The following RESF1 variants were observed in gnomAD, a reference collection of about 807,000 sequenced individuals.
RESF1 encodes the protein retroelement silencing factor 1, also known as gonad expressed transcript.
Under a neutral mutation model 134.7 loss-of-function variants are expected in RESF1, and 65 were observed. That is an observed-to-expected ratio of 0.48 (90% CI 0.40 to 0.59). The LOEUF is 0.59. Ranked by LOEUF, RESF1 falls within the 20% of genes least tolerant of loss-of-function variation. The probability of loss-of-function intolerance (pLI) is 0.00; values close to 1 mark genes in which losing one functional copy is unlikely to be tolerated. For synonymous variants in RESF1, 762 were observed against 702.2 expected (o/e 1.09, Z -1.35); for missense variants, 2,274 against 2,002.7 (o/e 1.14, Z -2.59).
intron 1 of RESF1, among the ~76,000 whole-genome samples, chr12:31,960,087 C>G (rs1939225531): frequency 6.6e-6 from 1 of 152,078 alleles, no homozygotes; most frequent in African/African-American, 2.4e-5. Context: ...GCTTCTGCGC[C>G]GGCGATGGTT....
chr12:31,985,789 A>C lies in RESF1; in HGVS notation c.4834A>C (p.Arg1612=). ...SSPRKLHKDK[R]QENKHKTFLP... is the part of the protein sequence containing the mutation. ...ACCCAGGAAGCTTCATAAAGATAAGAGACAGGAAAATAAACATAAGACCTT... is the reference window on the plus strand; with the variant it reads ...ACCCAGGAAGCTTCATAAAGATAAGCGACAGGAAAATAAACATAAGACCTT... Residue 1612 remains arginine (R), a synonymous_variant, in exon 4 of 6, where the codon AGA becomes CGA. Coordinates refer to ENST00000312561, the MANE Select transcript of RESF1 (RefSeq NM_018169.4). 6.4e-7 allele frequency: 1 copy of C among 1,568,780 alleles called. No homozygotes were observed. The highest frequency in any genetic ancestry group is 8.6e-7 in the Non-Finnish European group (1 of 1,165,426).
chr12:31,980,520 C>CTT (rs766848248), intron 3 of RESF1, among the ~76,000 whole-genome samples: 1 of 151,236 alleles, frequency 6.6e-6, no homozygotes, highest in African/African-American at 2.4e-5. Flanking sequence ...TTGAACTTCC[C>CTT]TTTTTTTTTA....
At chr12:31,990,362 C>G (rs774966164) in intron 5 of RESF1, among the ~76,000 whole-genome samples, 1 of 152,302 alleles carries the variant, frequency 6.6e-6, no homozygotes, top group Admixed American at 6.5e-5. Flanking sequence ...CATGGCACAA[C>G]AAGACGCAAA....
At chr12:31,987,382 G>A in intron 5 of RESF1, 60 bp downstream of exon 5, 1 of 951,628 alleles carries the variant, frequency 1.1e-6, no homozygotes, top group Non-Finnish European at 1.7e-6. Context: ...ATGGAAATTG[G>A]ATTATGGTTA....
At chr12:31,965,841 A>G (rs1042297581) in intron 2 of RESF1, among the ~76,000 whole-genome samples, 7 of 151,196 alleles carry the variant, frequency 4.6e-5, no homozygotes, top group African/African-American at 1.7e-4. Flanking sequence ...CAGTGAGCCA[A>G]GATCACGCCA....
At position 31,981,125 on chromosome 12, in the gene RESF1, A is replaced by G. The variant is rs766577092; in HGVS notation, c.170A>G (p.Asn57Ser). The part of the protein sequence containing the change: ...QEACMYPGNS[N>S]PISQPLLNIQ... ...GCATGCATGTATCCCGGTAATTCAA[A>G]TCCAATTTCACAGCCACTGCTGAAT... The change falls in exon 4 of 6, where the codon AAT (asparagine) becomes AGT (serine). Residue 57 changes from asparagine (N) to serine (S), a missense_variant. Transcript: ENST00000312561. 13 of 1,614,068 alleles carry G rather than the reference A, an allele frequency of 8.1e-6. No individual in the cohort carries two copies. The highest frequency in any genetic ancestry group is 4.0e-5 in the African/African-American group (3 of 74,930).
In RESF1 at chr12:31,982,120, G is replaced by A; in HGVS notation, c.1165G>A (p.Ala389Thr). The A allele has an allele frequency of 6.2e-7, 1 of 1,613,982 alleles. No individual in the cohort carries two copies. The highest frequency in any genetic ancestry group is 1.3e-5 in the African/African-American group (1 of 75,038). Residue 389 changes from alanine (A) to threonine (T), a missense_variant, in exon 4 of 6, where the codon GCA becomes ACA. Physicochemically the swap from Ala to Thr is moderately conservative, Grantham distance 58. Coordinates refer to ENST00000312561, the MANE Select transcript of RESF1 (RefSeq NM_018169.4). ...TSNQVLDTSV[A>T]KEKLVRDIKT... ...AAATCAAGTACTGGACACAAGTGTT[G>A]CAAAAGAAAAGCTAGTAAGGGATAT...
intron 2 of RESF1, among the ~76,000 whole-genome samples, chr12:31,968,163 C>T (rs1939438923): frequency 1.3e-5 from 2 of 152,132 alleles, no homozygotes; most frequent in African/African-American, 4.8e-5. Context: ...TCAGTTTAAC[C>T]ATATCAGTGG....
In RESF1 at chr12:31,982,840, T is replaced by A. The variant is rs1939839541; in HGVS notation, c.1885T>A (p.Leu629Met). ...CCAAATGACTGGTAACCAACTGAAT[T>A]TGAAGAACATGGAAACTCCAAGTAC... ...NTQMTGNQLN[L>M]KNMETPSTSN... is the part of the protein sequence containing the mutation. The change falls in exon 4 of 6, where the codon TTG becomes ATG. Residue 629 changes from leucine (L) to methionine (M), a missense_variant. Coordinates refer to ENST00000312561, the MANE Select transcript of RESF1 (RefSeq NM_018169.4). The A allele has an allele frequency of 6.2e-7, 1 of 1,614,150 alleles. No individual in the cohort carries two copies. Among genetic ancestry groups the A allele is most frequent in the Non-Finnish European group, 8.5e-7 (1 of 1,180,010 alleles).
intron 3 of RESF1, among the ~76,000 whole-genome samples, chr12:31,973,896 G>A (rs1172797558): frequency 6.6e-6 from 1 of 152,016 alleles, no homozygotes; most frequent in African/African-American, 2.4e-5. Flanking sequence ...TTACATGTTG[G>A]CATCATCTAC....
intron 2 of RESF1, among the ~76,000 whole-genome samples, chr12:31,964,785 A>G (rs1939361049): frequency 1.3e-5 from 2 of 152,138 alleles, no homozygotes; most frequent in South Asian, 2.1e-4. Context: ...TTGGCCTTAA[A>G]TTTGTGTTGT....
chr12:31,981,921 G>A lies in RESF1; in HGVS notation c.966G>A (p.Gln322=), dbSNP rs1187666742. 6.2e-7 allele frequency: 1 copy of A among 1,614,190 alleles called. No individual in the cohort carries two copies. Among genetic ancestry groups the A allele is most frequent in the East Asian group, 2.2e-5 (1 of 44,888 alleles). Residue 322 remains glutamine (Q), a synonymous_variant, in exon 4 of 6, where the codon CAG becomes CAA. Coordinates refer to ENST00000312561, the MANE Select transcript of RESF1 (RefSeq NM_018169.4). ...LSSEIRTSFQ[Q]QWQNPNENVS... The stretch of plus-strand genomic sequence containing the variant: ...CTGAAATAAGGACCAGCTTTCAACA[G>A]CAGTGGCAAAACCCTAATGAAAATG...
chr12:31,978,281 G>T (rs983993298), intron 3 of RESF1, among the ~76,000 whole-genome samples: 1 of 151,632 alleles, frequency 6.6e-6, no homozygotes. Flanking sequence ...TTATTTTTGG[G>T]CATTGTAATA....
rs537533411 is a variant in RESF1 at position 31,990,438 on chromosome 12, T to G, written c.5087-1940T>G. On this transcript the variant is annotated intron_variant, in intron 5 of 5. Transcript: ENST00000312561. ...GGCTACATGGGCATTTTTATTTACTTATTTTTATTTATTTATTTATTTTAT... is the reference window on the plus strand; with the variant it reads ...GGCTACATGGGCATTTTTATTTACTGATTTTTATTTATTTATTTATTTTAT... 1.5e-4 allele frequency among the ~76,000 whole-genome samples: 23 copies of G among 151,666 alleles called. No individual in the cohort carries two copies. The East Asian group carries it at 4.1e-3, about 27-fold the overall frequency.
In RESF1 at chr12:31,982,130, A is replaced by G; in HGVS notation, c.1175A>G (p.Lys392Arg). 1 of 1,614,018 alleles carries G rather than the reference A, an allele frequency of 6.2e-7. No homozygotes were observed. The highest frequency in any genetic ancestry group is 8.5e-7 in the Non-Finnish European group (1 of 1,180,000). The change falls in exon 4 of 6, where the codon AAG (lysine) becomes AGG (arginine). Residue 392 changes from lysine to arginine, a missense_variant. By Grantham distance (26) the Lys-to-Arg change is conservative. Transcript: ENST00000312561. ...CTGGACACAAGTGTTGCAAAAGAAA[A>G]GCTAGTAAGGGATATTAAAACATTA... The part of the protein sequence containing the change: ...QVLDTSVAKE[K>R]LVRDIKTLVE...
intron 2 of RESF1, 21 bp downstream of exon 2, chr12:31,960,892 A>T (rs111504644): frequency 6.6e-6 from 1 of 152,230 alleles, no homozygotes; most frequent in African/African-American, 2.4e-5. Context: ...CACCTCTAAG[A>T]AACCCGCCCT....
At position 31,982,442 on chromosome 12, in the gene RESF1, G is replaced by A; in HGVS notation, c.1487G>A (p.Arg496Lys). ...GACATTCAGGAAGTCAATTGCAGAA[G>A]GTTTAACCAAGTTGATTCTGTTTTA... Reference protein sequence around the residue: ...NSDIQEVNCRRFNQVDSVLPN... With the variant: ...NSDIQEVNCRKFNQVDSVLPN... Residue 496 changes from arginine (R) to lysine (K), a missense_variant, in exon 4 of 6, where the codon AGG becomes AAG. Coordinates refer to ENST00000312561, the MANE Select transcript of RESF1 (RefSeq NM_018169.4). 3 of 1,613,936 alleles carry A rather than the reference G, an allele frequency of 1.9e-6. No individual in the cohort carries two copies. Among genetic ancestry groups the A allele is most frequent in the Non-Finnish European group, 2.5e-6 (3 of 1,180,028 alleles).
intron 3 of RESF1, among the ~76,000 whole-genome samples, chr12:31,972,544 C>T (rs1286876530): frequency 1.4e-5 from 2 of 146,832 alleles, no homozygotes; most frequent in Non-Finnish European, 3.0e-5. Context: ...AGGCGGAGCT[C>T]GCAGTGAGCC....
intron 2 of RESF1, among the ~76,000 whole-genome samples, chr12:31,967,313 G>T (rs10771892): frequency 0.42 from 64,206 of 152,020 alleles, 13,844 homozygotes; most frequent in East Asian, 0.48. Flanking sequence ...GGAGGATTGC[G>T]AGTCTTTGTT....
Sources: allele counts gnomAD v4.1 joint callset (sites outside exome capture counted in the v4.1 genomes callset), GRCh38; gene constraint gnomAD v4.1.1; transcripts MANE v1.5; gene names NCBI Gene and HGNC (gene_info 2026-07-23, HGNC 2026-07-21).